Variants in LAMA2 observed in about 807,000 individuals in gnomAD.
LAMA2 encodes the protein laminin subunit alpha 2.
In LAMA2, 269 loss-of-function variants were observed where a neutral mutation model predicts 364.8. The ratio of observed to expected loss-of-function variants is 0.74; its 90% CI spans 0.67 to 0.82. LAMA2 has a LOEUF of 0.82. LAMA2 is among the 40% of genes least tolerant of loss of function. LAMA2 has a pLI of 0.00. For missense variants in LAMA2, 3,807 were observed against 3,873.2 expected, an observed-to-expected ratio of 0.98 and a Z score of 0.45; for synonymous variants, 1,379 against 1,370.6, an observed-to-expected ratio of 1.01 and a Z score of -0.14.
chr6:129,077,368 A>C (rs973837221), intron 3 of LAMA2, among the ~76,000 whole-genome samples: 2 of 152,200 alleles, frequency 1.3e-5, no homozygotes, highest in African/African-American at 4.8e-5. Context: ...GAATATACTC[A>C]AGAAAATTAA....
chr6:129,335,009 CACTT>C (rs1345754291), intron 29 of LAMA2, among the ~76,000 whole-genome samples: 1 of 152,126 alleles, frequency 6.6e-6, no homozygotes, highest in Non-Finnish European at 1.5e-5. Flanking sequence ...GATGGGCACT[CACTT>C]ATCTTGTTTT....
chr6:129,424,099 G>T (rs1781209264), intron 40 of LAMA2, among the ~76,000 whole-genome samples: 1 of 151,792 alleles, frequency 6.6e-6, no homozygotes, highest in Admixed American at 6.6e-5. Context: ...AATGATTTAT[G>T]ACAAAAATAC....
intron 3 of LAMA2, among the ~76,000 whole-genome samples, chr6:129,070,590 A>G (rs1773247756): frequency 6.6e-6 from 1 of 152,056 alleles, no homozygotes; most frequent in African/African-American, 2.4e-5. Flanking sequence ...GATTACTTAA[A>G]TTTTTAACCA....
At chr6:129,159,102 A>G in intron 8 of LAMA2, 7 of 1,578,772 alleles carry the variant, frequency 4.4e-6, no homozygotes, top group Non-Finnish European at 4.3e-6. Context: ...AATCTGATGT[A>G]AATGTATAGC....
intron 5 of LAMA2, among the ~76,000 whole-genome samples, chr6:129,144,406 C>CT (rs1236457521): frequency 6.6e-6 from 1 of 151,860 alleles, no homozygotes; most frequent in African/African-American, 2.4e-5. Flanking sequence ...CCTTTGTCAC[C>CT]TTAGGGGATC....
intron 7 of LAMA2, among the ~76,000 whole-genome samples, chr6:129,153,223 T>G (rs1778917114): frequency 6.6e-6 from 1 of 152,246 alleles, no homozygotes; most frequent in Admixed American, 6.5e-5. Flanking sequence ...ATTGCTAACT[T>G]CTTTATAAGA....
chr6:128,947,079 C>T (rs1476225686), intron 1 of LAMA2, among the ~76,000 whole-genome samples: 1 of 152,170 alleles, frequency 6.6e-6, no homozygotes, highest in Non-Finnish European at 1.5e-5. Flanking sequence ...TTTCTAATTG[C>T]AAACACATCA....
At chr6:129,204,272 A>T (rs1782480249) in intron 12 of LAMA2, among the ~76,000 whole-genome samples, 1 of 152,200 alleles carries the variant, frequency 6.6e-6, no homozygotes, top group Admixed American at 6.5e-5. Context: ...GCATCGCTTC[A>T]TGTCTTCCCA....
chr6:129,450,787 C>T (rs2784889), intron 45 of LAMA2, among the ~76,000 whole-genome samples: 2,194 of 152,276 alleles, frequency 0.014, 51 homozygotes, highest in African/African-American at 0.048. Flanking sequence ...GATTGTCTGC[C>T]AGGGATAACG....
At chr6:128,924,901 G>T (rs1485688695) in intron 1 of LAMA2, among the ~76,000 whole-genome samples, 1 of 152,120 alleles carries the variant, frequency 6.6e-6, no homozygotes, top group African/African-American at 2.4e-5. Flanking sequence ...ACACCATATT[G>T]TTGAGATATT....
intron 1 of LAMA2, among the ~76,000 whole-genome samples, chr6:128,885,620 C>T (rs1223392858): frequency 2.6e-5 from 4 of 152,200 alleles, no homozygotes; most frequent in African/African-American, 7.2e-5. Flanking sequence ...TTTCTGTTTT[C>T]GATTATACTA....
intron 1 of LAMA2, among the ~76,000 whole-genome samples, chr6:128,923,523 T>A (rs1025391453): frequency 6.6e-6 from 1 of 152,060 alleles, no homozygotes; most frequent in African/African-American, 2.4e-5. Flanking sequence ...AAAACTAAGA[T>A]ACCTAAATTA....
chr6:129,304,425 G>A (rs541828974), intron 22 of LAMA2, among the ~76,000 whole-genome samples: 3 of 151,950 alleles, frequency 2.0e-5, no homozygotes, highest in East Asian at 1.9e-4. Flanking sequence ...CACTACGCCC[G>A]GCTAATTTTT....
chr6:129,480,462 G>GA (rs978643943), intron 54 of LAMA2, among the ~76,000 whole-genome samples: 1 of 151,716 alleles, frequency 6.6e-6, no homozygotes, highest in African/African-American at 2.4e-5. Flanking sequence ...ACATATGTAA[G>GA]AAAAAAAAGT....
chr6:129,016,889 C>T (rs1367829971), intron 1 of LAMA2, among the ~76,000 whole-genome samples: 6 of 151,264 alleles, frequency 4.0e-5, no homozygotes, highest in Non-Finnish European at 7.4e-5. Context: ...ATTACATATA[C>T]ATATATATAC....
chr6:129,283,922 C>A (rs1788913055), intron 18 of LAMA2, among the ~76,000 whole-genome samples: 1 of 151,892 alleles, frequency 6.6e-6, no homozygotes, highest in Non-Finnish European at 1.5e-5. Flanking sequence ...AATTGTGACT[C>A]CAGTTGAGGT....
At chr6:129,088,586 T>A (rs1360177525) in intron 3 of LAMA2, among the ~76,000 whole-genome samples, 10 of 150,832 alleles carry the variant, frequency 6.6e-5, no homozygotes. Context: ...CCCACCTCCC[T>A]CCCGGACGGG....
chr6:129,401,998 G>A (rs144902340), intron 38 of LAMA2, among the ~76,000 whole-genome samples: 1,529 of 152,034 alleles, frequency 0.01, 24 homozygotes, highest in African/African-American at 0.035. Flanking sequence ...GCCTGAGCTC[G>A]GGAGTTCAAA....
intron 4 of LAMA2, among the ~76,000 whole-genome samples, chr6:129,129,646 C>T (rs902632073): frequency 3.9e-5 from 6 of 152,094 alleles, no homozygotes; most frequent in South Asian, 2.1e-4. Context: ...ATATTTTGGC[C>T]GGGCGCGGTG....
Sources: gnomAD v4.1 joint callset for allele counts (sites outside exome capture counted in the v4.1 genomes callset) on GRCh38, gnomAD v4.1.1 for gene constraint, MANE v1.5 for transcripts, NCBI Gene and HGNC (gene_info 2026-07-23, HGNC 2026-07-21) for gene names.